The following MYO1E variants were observed in gnomAD, a reference collection of about 807,000 sequenced individuals.
The protein encoded by MYO1E is myosin IE, also known as unconventional myosin-Ie.
MYO1E carries 68 observed loss-of-function variants against 151.1 expected under a neutral mutation model. The ratio of observed to expected loss-of-function variants is 0.45; its 90% CI spans 0.37 to 0.55. The LOEUF is 0.55. MYO1E is among the 20% of genes least tolerant of loss of function. The pLI is 0.00. For missense variants in MYO1E, 1,363 were observed against 1,389.3 expected (o/e 0.98, Z 0.30); for synonymous variants, 601 against 501.7 (o/e 1.20, Z -2.64).
At chr15:59,291,712 AGAG>A (rs1457526573) in intron 1 of MYO1E, among the ~76,000 whole-genome samples, 4 of 43,562 alleles carry the variant, frequency 9.2e-5, no homozygotes, top group African/African-American at 2.0e-4. Flanking sequence ...AAAAAAAAAA[AGAG>A]AGAGAGAGAG....
At chr15:59,252,796 G>A (rs1396574506) in intron 4 of MYO1E, among the ~76,000 whole-genome samples, 2 of 152,080 alleles carry the variant, frequency 1.3e-5, no homozygotes, top group African/African-American at 4.8e-5. Flanking sequence ...TGAGGCAGGA[G>A]AATCGCTTGA....
Position 59,195,489 on chromosome 15 carries a change from T to C in MYO1E, c.1777A>G (p.Lys593Glu). The C allele has an allele frequency of 2.5e-6, 4 of 1,614,010 alleles. No homozygotes were observed. The highest frequency in any genetic ancestry group is 3.4e-6 in the Non-Finnish European group (4 of 1,179,882). Residue 593 changes from lysine (K) to glutamate (E), a missense_variant, in exon 17 of 28, where the codon AAG (lysine) becomes GAG (glutamate). Lys to Glu is a moderately conservative substitution (Grantham distance 56). Coordinates refer to ENST00000288235, the MANE Select transcript of MYO1E (RefSeq NM_004998.4). The part of the protein sequence containing the change: ...YIRCIKPNET[K>E]KPRDWEESRV... ...CTTTCCTCCCAGTCTCTGGGCTTCT[T>C]GGTTTCGTTTGGCTTGATGCAGCGA...
intron 4 of MYO1E, 56 bp downstream of exon 4, chr15:59,256,228 T>C: frequency 7.2e-7 from 1 of 1,387,766 alleles, no homozygotes; most frequent in East Asian, 2.3e-5. Context: ...CCGAAATCCA[T>C]AACCACAGCA....
chr15:59,313,372 A>G lies in MYO1E; in HGVS notation c.4-40923T>C, dbSNP rs146209695. On this transcript the variant is annotated intron_variant, in intron 1 of 27. Transcript: ENST00000288235. ...ATTTGGAAAAATTCATTATTTAAGG[A>G]AGCAACACAGGTCTGATGTCATGGT... Among the ~76,000 whole-genome samples, 28 of 152,332 alleles carry G rather than the reference A, an allele frequency of 1.8e-4. No homozygotes were observed. In the East Asian group the frequency reaches 4.8e-3, roughly 26 times the overall value.
intron 2 of MYO1E, among the ~76,000 whole-genome samples, chr15:59,270,234 T>A (rs1165076604): frequency 6.6e-6 from 1 of 152,186 alleles, no homozygotes; most frequent in Non-Finnish European, 1.5e-5. Context: ...TTGATTTTAT[T>A]ATTCCAAAAT....
At chr15:59,171,052 G>A (rs2079590240) in intron 22 of MYO1E, 1 of 155,592 alleles carries the variant, frequency 6.4e-6, no homozygotes, top group African/African-American at 2.4e-5. Context: ...CTTGGAGGAA[G>A]CTATGGGGCT....
rs748173480 is a variant in MYO1E at position 59,147,596 on chromosome 15, CAAAAA to C, written c.3080+5989_3080+5993del. 2.1e-4 allele frequency among the ~76,000 whole-genome samples: 14 copies of C among 66,104 alleles called. No individual in the cohort carries two copies. The South Asian group carries it at 6.7e-3, about 32-fold the overall frequency. 43.4% of individuals were successfully genotyped at this position (66,104 alleles called of 152,430 possible). On this transcript the variant is annotated intron_variant, in intron 26 of 27. Transcript: ENST00000288235. ...TGGGTGACAGAGTGAGACTCTGTCTCAAAAAAAAAAAAAAAAAAACAATACAAAAA... is the reference window on the plus strand; with the variant it reads ...TGGGTGACAGAGTGAGACTCTGTCTCAAAAAAAAAAAAAACAATACAAAAA...
In MYO1E at chr15:59,236,440, T is replaced by C; in HGVS notation, c.420+145A>G. ...CACACAAACACACATACATATGCTA[T>C]TCCTTTCCATTCCAGATTTCAAGTT... On this transcript the variant is annotated intron_variant, in intron 5 of 27. Transcript: ENST00000288235. 4.6e-6 allele frequency: 3 copies of C among 649,624 alleles called. No individual in the cohort carries two copies. The Admixed American group carries it at 6.5e-5, about 14-fold the overall frequency. 40.2% of individuals were successfully genotyped at this position (649,624 alleles called of 1,614,324 possible).
intron 1 of MYO1E, among the ~76,000 whole-genome samples, chr15:59,338,231 A>G (rs1596427661): frequency 6.9e-6 from 1 of 145,290 alleles, no homozygotes; most frequent in South Asian, 2.2e-4. Context: ...ATGAATTTCT[A>G]TTTTCATTAA....
chr15:59,245,741 G>C (rs1379033010), intron 4 of MYO1E, among the ~76,000 whole-genome samples: 1 of 152,168 alleles, frequency 6.6e-6, no homozygotes, highest in Non-Finnish European at 1.5e-5. Context: ...TTTGATGGCA[G>C]CAATAAAACT....
At chr15:59,173,001 CA>C (rs1382337241) in intron 21 of MYO1E, among the ~76,000 whole-genome samples, 2 of 152,228 alleles carry the variant, frequency 1.3e-5, no homozygotes, top group Non-Finnish European at 2.9e-5. Context: ...GGCAAAAAGC[CA>C]AAAGCTCTTA....
Position 59,272,423 on chromosome 15 carries a change from G to A in MYO1E, c.30C>T (p.His10=). Residue 10 remains histidine (H), a synonymous_variant, in exon 2 of 28, where the codon CAC becomes CAT. Transcript: ENST00000288235. The stretch of plus-strand genomic sequence containing the variant: ...TGTGCTTGACATTGTGGCTTTGCCA[G>A]TGGTACTGGTAGACACCTTTGCTTC... MGSKGVYQY[H]WQSHNVKHSG... 6.2e-7 allele frequency: 1 copy of A among 1,614,196 alleles called. No individual in the cohort carries two copies. Among genetic ancestry groups the A allele is most frequent in the Non-Finnish European group, 8.5e-7 (1 of 1,180,018 alleles).
chr15:59,302,584 CTTAA>C (rs2080489471), intron 1 of MYO1E, among the ~76,000 whole-genome samples: 1 of 152,106 alleles, frequency 6.6e-6, no homozygotes, highest in Admixed American at 6.5e-5. Context: ...TCGTCTTGAC[CTTAA>C]TTAGACATAA....
At chr15:59,365,818 C>T (rs1182998819) in intron 1 of MYO1E, among the ~76,000 whole-genome samples, 2 of 152,186 alleles carry the variant, frequency 1.3e-5, no homozygotes, top group East Asian at 1.9e-4. Context: ...TACTGCATAT[C>T]TTTAGTGGGG....
At chr15:59,238,621 G>C (rs1417336714) in intron 4 of MYO1E, among the ~76,000 whole-genome samples, 1 of 152,132 alleles carries the variant, frequency 6.6e-6, no homozygotes, top group East Asian at 1.9e-4. Flanking sequence ...ACCCAGGCTG[G>C]AGTGCAGTGG....
At chr15:59,169,601 T>C (rs545836757) in intron 22 of MYO1E, among the ~76,000 whole-genome samples, 1 of 152,254 alleles carries the variant, frequency 6.6e-6, no homozygotes, top group South Asian at 2.1e-4. Flanking sequence ...ACTTTTAGGC[T>C]AAGTACCTCA....
intron 1 of MYO1E, among the ~76,000 whole-genome samples, chr15:59,369,682 C>T (rs936448265): frequency 3.9e-5 from 6 of 152,030 alleles, no homozygotes; most frequent in Admixed American, 2.0e-4. Context: ...GGTAGTGTTC[C>T]TAGTTTTCTC....
chr15:59,163,312 A>G lies in MYO1E; in HGVS notation c.2481-9T>C, dbSNP rs775559174. On this transcript the variant is annotated splice_polypyrimidine_tract_variant and intron_variant, in intron 22 of 27. Transcript: ENST00000288235. Reference sequence around the variant, plus strand: ...TGTCATCCTGCATAGTACTGTAAAGAGATTGGACAAACACACTTGGTGAAA... The same window carrying G: ...TGTCATCCTGCATAGTACTGTAAAGGGATTGGACAAACACACTTGGTGAAA... The G allele has an allele frequency of 6.2e-7, 1 of 1,612,562 alleles. No individual in the cohort carries two copies. The highest frequency in any genetic ancestry group is 1.7e-5 in the Admixed American group (1 of 59,994).
In MYO1E at chr15:59,174,114, T is replaced by G; in HGVS notation, c.2164+12A>C. 6.2e-7 allele frequency: 1 copy of G among 1,603,342 alleles called. No individual in the cohort carries two copies. The highest frequency in any genetic ancestry group is 8.5e-7 in the Non-Finnish European group (1 of 1,170,274). On this transcript the variant is annotated intron_variant, in intron 20 of 27. Coordinates refer to ENST00000288235, the MANE Select transcript of MYO1E (RefSeq NM_004998.4). ...ATTTATTAAAATCAATGAAACAAAATTGCTAAAATACCTTCTTCTCTCATT... is the reference window on the plus strand; with the variant it reads ...ATTTATTAAAATCAATGAAACAAAAGTGCTAAAATACCTTCTTCTCTCATT...
Sources: allele counts gnomAD v4.1 joint callset (sites outside exome capture counted in the v4.1 genomes callset), GRCh38; gene constraint gnomAD v4.1.1; transcripts MANE v1.5; gene names NCBI Gene and HGNC (gene_info 2026-07-23, HGNC 2026-07-21).